ATAD2B: variants seen among roughly 807,000 people sequenced by gnomAD.
ATAD2B encodes the protein ATPase family AAA domain-containing protein 2B.
In ATAD2B, 40 loss-of-function variants were observed where a neutral mutation model predicts 167.6. That is an observed-to-expected ratio of 0.24 (90% CI 0.19 to 0.31). The LOEUF (loss-of-function observed/expected upper bound fraction) is 0.31, where lower values mean the gene tolerates loss of function less well. Ranked by LOEUF, ATAD2B falls within the 10% of genes least tolerant of loss-of-function variation. ATAD2B has a pLI of 1.00. For synonymous variants in ATAD2B, 579 were observed against 596.5 expected (o/e 0.97, Z 0.43); for missense variants, 1,242 against 1,757.2 (o/e 0.71, Z 5.24).
chr2:23,703,706 G>C, the ATAD2B span: 14 of 1,532,586 alleles, frequency 9.1e-6, no homozygotes, highest in Middle Eastern at 1.7e-4. Flanking sequence ...TGCCTGCTCT[G>C]CTCTCCTCAC....
chr2:23,834,103 T>A, intron 13 of ATAD2B, 25 bp from the exon 14 acceptor site: 1 of 1,430,676 alleles, frequency 7.0e-7, no homozygotes, highest in Non-Finnish European at 9.4e-7. Context: ...TCAGGCAAAA[T>A]TAAAAGAATT....
the ATAD2B span, among the ~76,000 whole-genome samples, chr2:23,678,692 G>C: frequency 6.6e-6 from 1 of 152,210 alleles, no homozygotes; most frequent in African/African-American, 2.4e-5. Context: ...TGGTTAAACA[G>C]TATGTGGTAT....
chr2:23,852,761 A>T (rs1215344027), intron 13 of ATAD2B, among the ~76,000 whole-genome samples: 1 of 152,022 alleles, frequency 6.6e-6, no homozygotes, highest in Non-Finnish European at 1.5e-5. Flanking sequence ...TCTACTAAAA[A>T]CACAAAAATT....
intron 1 of ATAD2B, 120 bp downstream of exon 1, chr2:23,926,433 CCT>C: frequency 1.4e-6 from 2 of 1,424,434 alleles, no homozygotes; most frequent in Non-Finnish European, 1.8e-6. Context: ...GCCCGCAGAC[CCT>C]GTCTCCAGCC....
the ATAD2B span, among the ~76,000 whole-genome samples, chr2:23,681,977 G>C: frequency 2.9e-4 from 44 of 152,184 alleles, no homozygotes; most frequent in Middle Eastern, 3.4e-3. This position sits in a 1 kb window ranked among gnomAD's most constrained non-coding sequence, Gnocchi z 4.2. Context: ...TCTAGCCCAG[G>C]CCTCTATCCA....
chr2:23,736,466 G>A, the ATAD2B span, among the ~76,000 whole-genome samples: 2 of 152,028 alleles, frequency 1.3e-5, no homozygotes, highest in Non-Finnish European at 1.5e-5. Context: ...GACTATGCAA[G>A]GAAAAGAAAA....
chr2:23,680,509 GCCGA>G, the ATAD2B span, among the ~76,000 whole-genome samples: 2 of 152,186 alleles, frequency 1.3e-5, no homozygotes, highest in East Asian at 3.9e-4. The surrounding 1 kb of genome is among the most constrained non-coding windows in gnomAD (Gnocchi z 4.1). Flanking sequence ...AACCTCTGGG[GCCGA>G]CCAACAGGGA....
At chr2:23,822,729 A>T (rs1025856815) in intron 16 of ATAD2B, among the ~76,000 whole-genome samples, 2 of 151,540 alleles carry the variant, frequency 1.3e-5, no homozygotes, top group African/African-American at 4.8e-5. Flanking sequence ...CAGCCTGGCC[A>T]ACATGGTGAA....
intron 20 of ATAD2B, among the ~76,000 whole-genome samples, chr2:23,787,341 A>G (rs1168306769): frequency 6.6e-6 from 1 of 152,052 alleles, no homozygotes; most frequent in Admixed American, 6.6e-5. Context: ...AAAAAGAATT[A>G]TATCAATCGT....
chr2:23,760,147 G>A (rs969564770), intron 24 of ATAD2B, among the ~76,000 whole-genome samples: 1 of 152,158 alleles, frequency 6.6e-6, no homozygotes, highest in East Asian at 1.9e-4. Context: ...TGGCTAATAC[G>A]GTAAGAGAAA....
chr2:23,786,019 A>G lies in ATAD2B; in HGVS notation c.2973+8T>C, dbSNP rs776578247. ...AACTTCACTGTTTGCACACTACTGA[A>G]ACAAGACCTCTTCAATATCCACCGG... On this transcript the variant is annotated splice_region_variant and intron_variant, in intron 21 of 27. Coordinates refer to ENST00000238789, the MANE Select transcript of ATAD2B (RefSeq NM_017552.4). 1.9e-6 allele frequency: 3 copies of G among 1,607,188 alleles called. No homozygotes were observed. The highest frequency in any genetic ancestry group is 2.5e-6 in the Non-Finnish European group (3 of 1,176,674).
chr2:23,679,051 T>G, the ATAD2B span, among the ~76,000 whole-genome samples: 3 of 141,740 alleles, frequency 2.1e-5, no homozygotes, highest in Non-Finnish European at 4.6e-5. Flanking sequence ...TTACCACAAC[T>G]AAAAAAAAAA....
intron 22 of ATAD2B, among the ~76,000 whole-genome samples, chr2:23,774,760 C>T (rs1678824006): frequency 2.0e-5 from 3 of 152,072 alleles, no homozygotes; most frequent in African/African-American, 7.2e-5. Context: ...ATTAGCCGGA[C>T]ATGGTGGCGC....
chr2:23,681,646 C>A, the ATAD2B span, among the ~76,000 whole-genome samples: 3 of 152,276 alleles, frequency 2.0e-5, no homozygotes, highest in East Asian at 5.8e-4. This position sits in a 1 kb window ranked among gnomAD's most constrained non-coding sequence, Gnocchi z 4.2. Context: ...CCCTTCTGTG[C>A]TAGAGGAAAC....
chr2:23,875,678 G>A (rs960530094), intron 8 of ATAD2B, 151 bp downstream of exon 8: 5 of 652,078 alleles, frequency 7.7e-6, no homozygotes, highest in African/African-American at 1.8e-5. Flanking sequence ...GAATGTAACT[G>A]TTAAAACAAC....
chr2:23,715,851 T>C, the ATAD2B span, among the ~76,000 whole-genome samples: 1 of 152,216 alleles, frequency 6.6e-6, no homozygotes, highest in South Asian at 2.1e-4. Flanking sequence ...GTTAAATTTC[T>C]TTATTAAAGT....
the ATAD2B span, among the ~76,000 whole-genome samples, chr2:23,698,795 C>G: frequency 6.6e-6 from 1 of 152,178 alleles, no homozygotes; most frequent in African/African-American, 2.4e-5. Flanking sequence ...AAGCAGGAAG[C>G]TGACAGATTG....
At chr2:23,717,185 T>A in the ATAD2B span, among the ~76,000 whole-genome samples, 1 of 152,182 alleles carries the variant, frequency 6.6e-6, no homozygotes, top group Non-Finnish European at 1.5e-5. Context: ...CCTACGAGAC[T>A]GTGGTACACC....
chr2:23,758,177 G>T lies in ATAD2B; in HGVS notation c.3395-76C>A. 4 of 1,216,726 alleles carry T rather than the reference G, an allele frequency of 3.3e-6. No homozygotes were observed. In the South Asian group the frequency reaches 4.7e-5, roughly 14 times the overall value. The allele number at this position is 1,216,726 out of a possible 1,614,324, so 75.4% of individuals were successfully genotyped here. The stretch of plus-strand genomic sequence containing the variant: ...AATTTTACATATGTTTATTAAACAG[G>T]ACCCAAAAGAAAGTAAACCCATGCT... On this transcript the variant is annotated intron_variant, in intron 24 of 27. Coordinates refer to ENST00000238789, the MANE Select transcript of ATAD2B (RefSeq NM_017552.4).
Sources: allele counts gnomAD v4.1 joint callset (sites outside exome capture counted in the v4.1 genomes callset), GRCh38; gene constraint gnomAD v4.1.1; non-coding constraint Gnocchi (gnomAD v3.1); transcripts MANE v1.5; gene names NCBI Gene and HGNC (gene_info 2026-07-23, HGNC 2026-07-21).